SLC71A2: variants seen among roughly 807,000 people sequenced by gnomAD.
SLC71A2 encodes hippocampus abundant transcript-like 1.
the SLC71A2 span, among the ~76,000 whole-genome samples, chr9:94,430,839 G>C: frequency 6.6e-6 from 1 of 152,022 alleles, no homozygotes; most frequent in South Asian, 2.1e-4. Context: ...TATGAATGCT[G>C]GCAGTGAGCT....
the SLC71A2 span, among the ~76,000 whole-genome samples, chr9:94,430,074 T>C: frequency 6.6e-6 from 1 of 151,558 alleles, no homozygotes. Context: ...CCAGCTGATT[T>C]TTGTATTTTT....
the SLC71A2 span, among the ~76,000 whole-genome samples, chr9:94,378,421 A>G: frequency 6.6e-6 from 1 of 152,146 alleles, no homozygotes; most frequent in Non-Finnish European, 1.5e-5. Context: ...TAAGGTCAGC[A>G]GTTGGAGACC....
chr9:94,442,694 AC>A, the SLC71A2 span, among the ~76,000 whole-genome samples: 1 of 149,464 alleles, frequency 6.7e-6, no homozygotes, highest in African/African-American at 2.5e-5. Flanking sequence ...CTACTAAAAT[AC>A]AAAAATTAGC....
chr9:94,450,564 A>G, the SLC71A2 span, among the ~76,000 whole-genome samples: 1 of 135,894 alleles, frequency 7.4e-6, no homozygotes, highest in Middle Eastern at 4.0e-3. Flanking sequence ...ATCTTGGCTC[A>G]CTGCAACCTC....
chr9:94,384,501 A>G, the SLC71A2 span, among the ~76,000 whole-genome samples: 2 of 151,930 alleles, frequency 1.3e-5, no homozygotes, highest in Admixed American at 1.3e-4. Context: ...GAGCAGGCCC[A>G]GCTAATTTTT....
At chr9:94,382,889 T>A in the SLC71A2 span, among the ~76,000 whole-genome samples, 2 of 152,044 alleles carry the variant, frequency 1.3e-5, no homozygotes, top group African/African-American at 4.8e-5. Context: ...GAGGCGGGGT[T>A]TCACCGCGCT....
At chr9:94,455,325 C>T in the SLC71A2 span, among the ~76,000 whole-genome samples, 5 of 146,608 alleles carry the variant, frequency 3.4e-5, no homozygotes, top group South Asian at 1.1e-3. Flanking sequence ...CGCACCACCA[C>T]GCCTGGCTAA....
chr9:94,438,804 G>T, the SLC71A2 span, among the ~76,000 whole-genome samples: 1 of 152,308 alleles, frequency 6.6e-6, no homozygotes, highest in East Asian at 1.9e-4. Flanking sequence ...ATGTTGCCAT[G>T]ATGTCAGGTA....
At chr9:94,428,600 C>T in the SLC71A2 span, among the ~76,000 whole-genome samples, 428 of 98,352 alleles carry the variant, frequency 4.4e-3, 3 homozygotes, top group Middle Eastern at 6.5e-3. Flanking sequence ...ACCCCCCCCC[C>T]TTTTTTTTTT....
the SLC71A2 span, among the ~76,000 whole-genome samples, chr9:94,417,875 C>G: frequency 7.7e-4 from 58 of 75,562 alleles, 2 homozygotes; most frequent in South Asian, 0.035. Context: ...CCCCCCCCCC[C>G]CGACAGAGTC....
At chr9:94,409,126 C>T in the SLC71A2 span, among the ~76,000 whole-genome samples, 2 of 112,150 alleles carry the variant, frequency 1.8e-5, no homozygotes, top group Non-Finnish European at 3.9e-5. Flanking sequence ...TGCGCCCGGC[C>T]TCCTTTTTTT....
the SLC71A2 span, among the ~76,000 whole-genome samples, chr9:94,422,723 ATATAT>A: frequency 2.0e-5 from 3 of 151,264 alleles, no homozygotes; most frequent in Non-Finnish European, 2.9e-5. Context: ...TACGTATAAC[ATATAT>A]TTATTGGCCA....
At chr9:94,425,363 T>C in the SLC71A2 span, among the ~76,000 whole-genome samples, 1 of 152,132 alleles carries the variant, frequency 6.6e-6, no homozygotes, top group African/African-American at 2.4e-5. Flanking sequence ...GTCAATGCAA[T>C]CATAATCAAA....
the SLC71A2 span, among the ~76,000 whole-genome samples, chr9:94,445,557 TTA>T: frequency 6.6e-6 from 1 of 152,192 alleles, no homozygotes; most frequent in Non-Finnish European, 1.5e-5. Context: ...TTTGAATGAG[TTA>T]TTTTAATTTT....
chr9:94,401,135 T>C, the SLC71A2 span, among the ~76,000 whole-genome samples: 1 of 151,938 alleles, frequency 6.6e-6, no homozygotes, highest in Admixed American at 6.6e-5. Context: ...TGGGGTCAAC[T>C]GCAATAGAAA....
At chr9:94,455,986 A>C in the SLC71A2 span, among the ~76,000 whole-genome samples, 1 of 152,186 alleles carries the variant, frequency 6.6e-6, no homozygotes, top group Non-Finnish European at 1.5e-5. Context: ...GGGAGAAGAA[A>C]AGTTTGTAAA....
chr9:94,396,503 G>A, the SLC71A2 span, among the ~76,000 whole-genome samples: 1 of 152,120 alleles, frequency 6.6e-6, no homozygotes, highest in African/African-American at 2.4e-5. Context: ...CAACAGATGG[G>A]GAGACTCTGT....
the SLC71A2 span, chr9:94,440,908 A>C: frequency 1.2e-6 from 1 of 813,242 alleles, no homozygotes; most frequent in Admixed American, 2.2e-5. Context: ...TAATCTTTAC[A>C]TGATGTCTTT....
At chr9:94,417,873 C>G in the SLC71A2 span, among the ~76,000 whole-genome samples, 5 of 72,126 alleles carry the variant, frequency 6.9e-5, no homozygotes, top group African/African-American at 1.6e-4. Flanking sequence ...CCCCCCCCCC[C>G]CCCGACAGAG....
Sources: gnomAD v4.1 joint callset for allele counts (sites outside exome capture counted in the v4.1 genomes callset) on GRCh38, gnomAD v4.1.1 for gene constraint, MANE v1.5 for transcripts, NCBI Gene and HGNC (gene_info 2026-07-23, HGNC 2026-07-21) for gene names.